The following C10orf67 variants were observed in gnomAD, a reference collection of about 807,000 sequenced individuals.
C10orf67 encodes uncharacterized protein C10orf67, mitochondrial.
C10orf67 carries 60 observed loss-of-function variants against 35.6 expected under a neutral mutation model. The observed-to-expected ratio is 1.68, with a 90% CI of 1.37 to 2.09. C10orf67 has a LOEUF of 2.09. Ranked by LOEUF, C10orf67 falls within the 30% of genes most tolerant of loss-of-function variation. The pLI, the probability that C10orf67 is intolerant of heterozygous loss-of-function variation, is 0.00. For synonymous variants in C10orf67, 167 were observed against 115.8 expected (o/e 1.44, Z -2.84); for missense variants, 474 against 330.2 (o/e 1.44, Z -3.38).
chr10:23,327,849 G>A (rs1845258122), intron 2 of C10orf67, among the ~76,000 whole-genome samples: 1 of 151,804 alleles, frequency 6.6e-6, no homozygotes, highest in Non-Finnish European at 1.5e-5. Context: ...AAAAATTCCT[G>A]CATCTATGCC....
chr10:23,228,812 C>T (rs906919487), intron 13 of C10orf67, among the ~76,000 whole-genome samples: 8 of 152,136 alleles, frequency 5.3e-5, no homozygotes, highest in African/African-American at 1.7e-4. Context: ...GACATTTATG[C>T]AGCCAAAAAA....
intron 15 of C10orf67, among the ~76,000 whole-genome samples, chr10:23,222,185 A>G (rs1246404302): frequency 1.3e-5 from 2 of 152,186 alleles, no homozygotes; most frequent in African/African-American, 4.8e-5. Flanking sequence ...AGGGCTTAGA[A>G]AAGGGAGTGA....
At chr10:23,280,553 G>T (rs1843339006) in intron 8 of C10orf67, among the ~76,000 whole-genome samples, 1 of 152,170 alleles carries the variant, frequency 6.6e-6, no homozygotes, top group Non-Finnish European at 1.5e-5. Context: ...AGAACCTCAA[G>T]CCCACTCCCT....
At chr10:23,318,562 T>A in intron 4 of C10orf67, 1 of 253,250 alleles carries the variant, frequency 3.9e-6, no homozygotes, top group Admixed American at 5.2e-5. Context: ...CAGCCCTGAT[T>A]CAAGGGAGGG....
At chr10:23,330,847 C>T (rs568167862) in intron 2 of C10orf67, among the ~76,000 whole-genome samples, 4 of 152,170 alleles carry the variant, frequency 2.6e-5, no homozygotes, top group South Asian at 2.1e-4. Flanking sequence ...TAAGATTCTT[C>T]CGTCTTATTA....
At chr10:23,332,953 T>C (rs920125898) in intron 2 of C10orf67, 109 bp downstream of exon 2, 5 of 1,108,466 alleles carry the variant, frequency 4.5e-6, no homozygotes, top group Non-Finnish European at 6.5e-6. Context: ...TTGTCAAAGA[T>C]GCTAACATTT....
intron 15 of C10orf67, among the ~76,000 whole-genome samples, chr10:23,210,497 G>A (rs1314011788): frequency 6.6e-6 from 1 of 152,010 alleles, no homozygotes; most frequent in Non-Finnish European, 1.5e-5. Context: ...TTGACTCACT[G>A]TAACCTCCAT....
chr10:23,252,656 A>T (rs1255939333), intron 10 of C10orf67, among the ~76,000 whole-genome samples: 1 of 152,254 alleles, frequency 6.6e-6, no homozygotes, highest in Non-Finnish European at 1.5e-5. Flanking sequence ...TCATTTGGGC[A>T]AGTAGATGGA....
intron 13 of C10orf67, among the ~76,000 whole-genome samples, chr10:23,232,381 G>C (rs1251731501): frequency 6.6e-6 from 1 of 152,096 alleles, no homozygotes; most frequent in Non-Finnish European, 1.5e-5. Context: ...TTTGCATAAA[G>C]CATAAGAAAA....
At chr10:23,233,180 T>C (rs913978894) in intron 13 of C10orf67, among the ~76,000 whole-genome samples, 2 of 152,088 alleles carry the variant, frequency 1.3e-5, no homozygotes, top group Admixed American at 1.3e-4. Flanking sequence ...AAAGTGTACA[T>C]AAGAAACATG....
At chr10:23,331,779 C>T (rs1392241484) in intron 2 of C10orf67, among the ~76,000 whole-genome samples, 1 of 151,976 alleles carries the variant, frequency 6.6e-6, no homozygotes, top group Non-Finnish European at 1.5e-5. Context: ...ACAGAGGGCG[C>T]ATGTGAACCG....
intron 8 of C10orf67, among the ~76,000 whole-genome samples, chr10:23,271,857 A>T (rs1405612318): frequency 1.3e-5 from 2 of 151,624 alleles, no homozygotes; most frequent in African/African-American, 4.8e-5. Flanking sequence ...ATTTCCTCCC[A>T]CTCTGTGGTT....
At chr10:23,315,011 A>G in intron 4 of C10orf67, among the ~76,000 whole-genome samples, 1 of 152,194 alleles carries the variant, frequency 6.6e-6, no homozygotes, top group East Asian at 1.9e-4. Context: ...ATCTACAAAA[A>G]GTGTATATAG....
chr10:23,334,516 C>T (rs1845599103), intron 1 of C10orf67, among the ~76,000 whole-genome samples: 1 of 152,234 alleles, frequency 6.6e-6, no homozygotes, highest in African/African-American at 2.4e-5. Flanking sequence ...ATGCGGGGCA[C>T]CCCATGGCAA....
At chr10:23,255,316 A>T (rs1206837395) in intron 10 of C10orf67, among the ~76,000 whole-genome samples, 1 of 152,252 alleles carries the variant, frequency 6.6e-6, no homozygotes. Flanking sequence ...AGGTAGGCAA[A>T]TCTTTCAAAA....
At chr10:23,326,952 A>G (rs1845222819) in intron 2 of C10orf67, among the ~76,000 whole-genome samples, 1 of 152,156 alleles carries the variant, frequency 6.6e-6, no homozygotes, top group Admixed American at 6.5e-5. Flanking sequence ...CTGCAAAAAT[A>G]TTAGGAGAAA....
chr10:23,226,156 G>T (rs551009472), intron 13 of C10orf67, among the ~76,000 whole-genome samples: 20 of 151,360 alleles, frequency 1.3e-4, no homozygotes, highest in African/African-American at 4.8e-4. Flanking sequence ...GCACCACATT[G>T]CACTTATTCC....
intron 5 of C10orf67, among the ~76,000 whole-genome samples, chr10:23,294,523 A>T (rs1156958015): frequency 6.6e-6 from 1 of 152,298 alleles, no homozygotes; most frequent in East Asian, 1.9e-4. Context: ...GCTGAGTCAC[A>T]TTGATTTCCC....
rs571877719 is a variant in C10orf67 at position 23,287,920 on chromosome 10, T to C, written c.909+1980A>G. The stretch of plus-strand genomic sequence containing the variant: ...AATGCAAATCAAAACCACAATGAGA[T>C]ACCATGTCACACCAGTCAGAATGGC... On this transcript the variant is annotated intron_variant, in intron 7 of 15. Coordinates refer to ENST00000636213, the MANE Select transcript of C10orf67 (RefSeq NM_001371909.1). 5.2e-3 allele frequency among the ~76,000 whole-genome samples: 795 copies of C among 152,228 alleles called. 5 individuals are homozygous for C. The highest frequency in any genetic ancestry group is 0.018 in the African/African-American group (745 of 41,542).
Sources: gnomAD v4.1 joint callset for allele counts (sites outside exome capture counted in the v4.1 genomes callset) on GRCh38, gnomAD v4.1.1 for gene constraint, MANE v1.5 for transcripts, NCBI Gene and HGNC (gene_info 2026-07-23, HGNC 2026-07-21) for gene names.